The following DAB2 variants were observed in gnomAD, a reference collection of about 807,000 sequenced individuals.
The protein encoded by DAB2 is disabled homolog 2.
A neutral mutation model predicts 71.6 loss-of-function variants in DAB2; 28 were observed. The ratio of observed to expected loss-of-function variants is 0.39; its 90% CI spans 0.29 to 0.54. DAB2 has a LOEUF of 0.54. Among genes scored for constraint, DAB2 ranks in the 20% least tolerant of loss-of-function variants. The pLI is 0.68. For synonymous variants in DAB2, 345 were observed against 339.7 expected (o/e 1.02, Z -0.17); for missense variants, 867 against 928.8 (o/e 0.93, Z 0.86).
At chr5:39,389,995 C>T (rs1395704284) in intron 5 of DAB2, 63 bp from the exon 6 acceptor site, 24 of 1,168,590 alleles carry the variant, frequency 2.1e-5, no homozygotes, top group Non-Finnish European at 2.9e-5. Context: ...CCTTTGTCTG[C>T]TATCAATTAT....
intron 11 of DAB2, among the ~76,000 whole-genome samples, chr5:39,379,729 C>G (rs1266666910): frequency 6.6e-6 from 1 of 152,006 alleles, no homozygotes; most frequent in African/African-American, 2.4e-5. Context: ...CCCCACCCCC[C>G]CAGTTCTCCA....
chr5:39,385,804 A>G lies in DAB2; in HGVS notation c.687+2501T>C, dbSNP rs543429515. 5.3e-5 allele frequency among the ~76,000 whole-genome samples: 8 copies of G among 152,326 alleles called. No homozygotes were observed. In the East Asian group the frequency reaches 1.2e-3, roughly 22 times the overall value. ...AAGTGGCTTACTGCTGGCTCCCTAT[A>G]TTAAAATAAACCTCCTTAGGCCAAA... On this transcript the variant is annotated intron_variant, in intron 9 of 14. Coordinates refer to ENST00000320816, the MANE Select transcript of DAB2 (RefSeq NM_001343.4).
chr5:39,396,696 G>A lies in DAB2; in HGVS notation c.-101-2275C>T, dbSNP rs559079902. ...CTGAAGTCTAGGGGTGGTTAATGTA[G>A]CCCAAAGACAGTAACCGTTTTCCAG... On this transcript the variant is annotated intron_variant, in intron 1 of 14. Transcript: ENST00000320816. Among the ~76,000 whole-genome samples the A allele has an allele frequency of 2.1e-4, 32 of 152,326 alleles. 1 individual carries two copies. The South Asian group carries it at 5.2e-3, about 25-fold the overall frequency.
chr5:39,380,275 A>G (rs1367302817), intron 11 of DAB2, among the ~76,000 whole-genome samples: 1 of 152,210 alleles, frequency 6.6e-6, no homozygotes, highest in Non-Finnish European at 1.5e-5. Context: ...GCCACTCAGC[A>G]GTTGAGTAAC....
chr5:39,410,970 G>T (rs1257494877), intron 1 of DAB2, among the ~76,000 whole-genome samples: 2 of 152,160 alleles, frequency 1.3e-5, no homozygotes, highest in South Asian at 2.1e-4. Context: ...TTAGGCAAAA[G>T]GTTGGTTAAA....
At chr5:39,381,861 TCTA>T (rs979114899) in intron 10 of DAB2, among the ~76,000 whole-genome samples, 1 of 152,160 alleles carries the variant, frequency 6.6e-6, no homozygotes, top group South Asian at 2.1e-4. Flanking sequence ...CAAAGTGAAA[TCTA>T]CTATATTCCT....
chr5:39,401,937 A>G (rs1315216002), intron 1 of DAB2, among the ~76,000 whole-genome samples: 1 of 151,388 alleles, frequency 6.6e-6, no homozygotes, highest in African/African-American at 2.4e-5. Context: ...TATTTTTGAG[A>G]CTCGGTAATT....
rs1417483616 is a variant in DAB2, at chr5:39,422,404, C to T, written c.-102+2400G>A. Among the ~76,000 whole-genome samples the T allele has an allele frequency of 1.3e-5, 2 of 152,174 alleles. No individual in the cohort carries two copies. The highest frequency in any genetic ancestry group is 2.9e-5 in the Non-Finnish European group (2 of 68,028). On this transcript the variant is annotated intron_variant, in intron 1 of 14. Coordinates refer to ENST00000320816, the MANE Select transcript of DAB2 (RefSeq NM_001343.4). The surrounding 1 kb of genome is among the most constrained non-coding windows in gnomAD (Gnocchi z 4.1). Reference sequence around the variant, plus strand: ...AGGAGGGCTCACTCTCAGCAGCTTTCCCAAGCATTTCAGCATCTTGGCTTT... The same window carrying T: ...AGGAGGGCTCACTCTCAGCAGCTTTTCCAAGCATTTCAGCATCTTGGCTTT...
intron 13 of DAB2, 133 bp from the exon 14 acceptor site, chr5:39,375,217 G>A (rs545070796): frequency 9.6e-6 from 6 of 624,916 alleles, no homozygotes; most frequent in African/African-American, 7.5e-5. Flanking sequence ...ATTATATGGG[G>A]CTTACAGTGT....
At position 39,414,486 on chromosome 5, in the gene DAB2, C is replaced by T. The variant is rs115097732; in HGVS notation, c.-102+10318G>A. Among the ~76,000 whole-genome samples, 1,438 of 150,818 alleles carry T rather than the reference C, an allele frequency of 9.5e-3. 8 individuals are homozygous for T. Among genetic ancestry groups the T allele is most frequent in the Non-Finnish European group, 0.013 (857 of 67,986 alleles). On this transcript the variant is annotated intron_variant, in intron 1 of 14. Transcript: ENST00000320816. ...TGTGGATAAAGTATCAGGCTGAAAT[C>T]TATTCACCACAATTCTTATTAGCCA...
chr5:39,384,392 T>C (rs1180147769), intron 9 of DAB2, among the ~76,000 whole-genome samples: 1 of 152,246 alleles, frequency 6.6e-6, no homozygotes, highest in Admixed American at 6.5e-5. Flanking sequence ...GTTATTTGAA[T>C]GTGGTCTCTC....
At chr5:39,395,301 G>T (rs925581030) in intron 1 of DAB2, among the ~76,000 whole-genome samples, 6 of 152,156 alleles carry the variant, frequency 3.9e-5, no homozygotes, top group Non-Finnish European at 7.4e-5. Context: ...CAAAGGCAAA[G>T]AAAAGCTATT....
intron 14 of DAB2, 111 bp from the exon 15 acceptor site, chr5:39,373,536 G>A (rs1754749972): frequency 6.6e-6 from 1 of 152,116 alleles, no homozygotes; most frequent in Admixed American, 6.5e-5. Context: ...ATCTCCTAGG[G>A]CTGATGTGAG....
intron 8 of DAB2, 38 bp downstream of exon 8, chr5:39,388,761 T>G: frequency 6.5e-7 from 1 of 1,550,312 alleles, no homozygotes; most frequent in Non-Finnish European, 8.9e-7. Context: ...CATGTTCAGA[T>G]AAGTAAGAAC....
At chr5:39,419,679 C>A (rs1314730909) in intron 1 of DAB2, among the ~76,000 whole-genome samples, 1 of 152,042 alleles carries the variant, frequency 6.6e-6, no homozygotes, top group African/African-American at 2.4e-5. Context: ...TTACTGGAAT[C>A]CTTTTTAAAA....
chr5:39,390,064 A>G, intron 5 of DAB2, 132 bp from the exon 6 acceptor site: 4 of 668,348 alleles, frequency 6.0e-6, no homozygotes, highest in Non-Finnish European at 1.0e-5. Context: ...CTGCTGGCTT[A>G]TAGGGGATCA....
At chr5:39,392,017 ATATG>A (rs1755242602) in intron 4 of DAB2, among the ~76,000 whole-genome samples, 1 of 147,634 alleles carries the variant, frequency 6.8e-6, no homozygotes, top group Non-Finnish European at 1.5e-5. Flanking sequence ...TATAAATTAT[ATATG>A]TATTTATATT....
At position 39,388,339 on chromosome 5, in the gene DAB2, T is replaced by G. The variant is rs751165876; in HGVS notation, c.653A>C (p.Asp218Ala). ...SGVDQMDLFG[D>A]MSTPPDLNSP... ...ATTTAGGTCAGGAGGTGTAGACATG[T>G]CCCCAAACAAATCCATCTGGTCAAC... Residue 218 changes from aspartate (D) to alanine (A), a missense_variant, in exon 9 of 15, where the codon GAC (aspartate) becomes GCC (alanine). Physicochemically the swap from Asp to Ala is moderately radical, Grantham distance 126 (BLOSUM62 -2). Transcript: ENST00000320816. 6.2e-7 allele frequency: 1 copy of G among 1,612,756 alleles called. No individual in the cohort carries two copies. The highest frequency in any genetic ancestry group is 8.5e-7 in the Non-Finnish European group (1 of 1,179,078).
At chr5:39,392,337 A>T in intron 4 of DAB2, 28 bp downstream of exon 4, 1 of 1,548,236 alleles carries the variant, frequency 6.5e-7, no homozygotes, top group Non-Finnish European at 8.9e-7. Context: ...AGGTGGTCAG[A>T]GAGGTATCAG....
Sources: gnomAD v4.1 joint callset for allele counts (sites outside exome capture counted in the v4.1 genomes callset) on GRCh38, gnomAD v4.1.1 for gene constraint, Gnocchi (gnomAD v3.1) non-coding constraint, MANE v1.5 for transcripts, NCBI Gene and HGNC (gene_info 2026-07-23, HGNC 2026-07-21) for gene names.